The following CNTNAP5 variants were observed in gnomAD, a reference collection of about 807,000 sequenced individuals.
CNTNAP5 encodes contactin associated protein family member 5, also known as contactin-associated protein-like 5.
In CNTNAP5, 72 loss-of-function variants were observed where a neutral mutation model predicts 150.2. The ratio of observed to expected loss-of-function variants is 0.48; its 90% CI spans 0.40 to 0.58. CNTNAP5 has a LOEUF of 0.58. Ranked by LOEUF, CNTNAP5 falls within the 20% of genes least tolerant of loss-of-function variation. The probability of loss-of-function intolerance (pLI) is 0.00; values close to 1 mark genes in which losing one functional copy is unlikely to be tolerated. For synonymous variants in CNTNAP5, 672 were observed against 619.8 expected, an observed-to-expected ratio of 1.08 and a Z score of -1.25; for missense variants, 1,636 against 1,626.2, an observed-to-expected ratio of 1.01 and a Z score of -0.10.
chr2:124,402,806 A>G (rs1480974571), intron 3 of CNTNAP5, among the ~76,000 whole-genome samples: 1 of 152,202 alleles, frequency 6.6e-6, no homozygotes, highest in Non-Finnish European at 1.5e-5. Context: ...GGAGAGTTCT[A>G]TTGTTTAACT....
rs547408059 is a variant in CNTNAP5 at position 124,907,577 on chromosome 2, TTATATC to T, written c.3656-3878_3656-3873del. 2.7e-5 allele frequency among the ~76,000 whole-genome samples: 4 copies of T among 148,772 alleles called. 1 individual carries two copies. Among genetic ancestry groups the T allele is most frequent in the South Asian group, 2.1e-4 (1 of 4,772 alleles). On this transcript the variant is annotated intron_variant, in intron 22 of 23. Transcript: ENST00000682447. ...TATAGATCTTGATCTATATCTATAA[TTATATC>T]TATATCTATATTTATAGATCAAGAT...
intron 4 of CNTNAP5, among the ~76,000 whole-genome samples, chr2:124,419,017 C>G (rs1692003969): frequency 6.7e-6 from 1 of 148,896 alleles, no homozygotes. Context: ...GCCTGTAGTC[C>G]CAGCTACTCG....
chr2:124,383,981 A>T (rs1690867214), intron 3 of CNTNAP5, among the ~76,000 whole-genome samples: 1 of 152,102 alleles, frequency 6.6e-6, no homozygotes, highest in Non-Finnish European at 1.5e-5. Flanking sequence ...TTCACATTTC[A>T]TTCATCTTTA....
intron 1 of CNTNAP5, among the ~76,000 whole-genome samples, chr2:124,123,467 A>T (rs941041102): frequency 1.3e-5 from 2 of 152,128 alleles, no homozygotes; most frequent in Non-Finnish European, 2.9e-5. Flanking sequence ...TGTAGACTCC[A>T]CCTCTGGGGA....
intron 1 of CNTNAP5, among the ~76,000 whole-genome samples, chr2:124,184,693 G>T (rs1685291666): frequency 6.6e-6 from 1 of 152,172 alleles, no homozygotes; most frequent in African/African-American, 2.4e-5. Flanking sequence ...TTGTGCTAAA[G>T]TGCAGGATGT....
chr2:124,057,265 A>C (rs886938466), intron 1 of CNTNAP5, among the ~76,000 whole-genome samples: 27 of 144,892 alleles, frequency 1.9e-4, no homozygotes, highest in African/African-American at 6.9e-4. Flanking sequence ...CCCTACATCG[A>C]ATAAATTAAC....
chr2:124,893,464 C>T (rs1678241112), intron 21 of CNTNAP5, among the ~76,000 whole-genome samples: 1 of 152,140 alleles, frequency 6.6e-6, no homozygotes, highest in Non-Finnish European at 1.5e-5. Context: ...TAAAATTTGT[C>T]ATCAAAGCAG....
intron 3 of CNTNAP5, among the ~76,000 whole-genome samples, chr2:124,371,887 A>G (rs1422979986): frequency 6.6e-6 from 1 of 152,092 alleles, no homozygotes; most frequent in Non-Finnish European, 1.5e-5. Flanking sequence ...ATCAACTGCA[A>G]AGAAGATGTA....
intron 13 of CNTNAP5, among the ~76,000 whole-genome samples, chr2:124,690,723 G>C (rs1350770121): frequency 6.6e-6 from 1 of 151,846 alleles, no homozygotes; most frequent in South Asian, 2.1e-4. Flanking sequence ...CCCATGTCTG[G>C]TACATCACTT....
intron 8 of CNTNAP5, among the ~76,000 whole-genome samples, chr2:124,511,008 A>G (rs1400787398): frequency 2.6e-5 from 4 of 152,218 alleles, no homozygotes. Context: ...TCATGTGGTC[A>G]TGAGGCTCTC....
chr2:124,710,988 A>G (rs921069962), intron 13 of CNTNAP5, among the ~76,000 whole-genome samples: 6 of 152,046 alleles, frequency 3.9e-5, no homozygotes, highest in African/African-American at 1.4e-4. Context: ...TCTTTCTCCT[A>G]TAAGCTGGGC....
At chr2:124,134,852 T>C (rs1310629862) in intron 1 of CNTNAP5, among the ~76,000 whole-genome samples, 6 of 152,198 alleles carry the variant, frequency 3.9e-5, no homozygotes, top group Non-Finnish European at 7.4e-5. Flanking sequence ...AGGTTTATAC[T>C]TGAATAAACT....
At chr2:124,213,241 A>T (rs1299162407) in intron 1 of CNTNAP5, among the ~76,000 whole-genome samples, 2 of 152,174 alleles carry the variant, frequency 1.3e-5, no homozygotes, top group African/African-American at 4.8e-5. Flanking sequence ...ACATATTAAA[A>T]ATGGGGTTTT....
In CNTNAP5 at chr2:124,659,770, G is replaced by A. The variant is rs181571166; in HGVS notation, c.2077+11812G>A. Among the ~76,000 whole-genome samples the A allele has an allele frequency of 1.2e-3, 187 of 152,230 alleles. 1 individual carries two copies. The highest frequency in any genetic ancestry group is 3.9e-3 in the African/African-American group (163 of 41,540). On this transcript the variant is annotated intron_variant, in intron 13 of 23. Coordinates refer to ENST00000682447, the MANE Select transcript of CNTNAP5 (RefSeq NM_001367498.1). Reference sequence around the variant, plus strand: ...TGTACATGTGAGCAAGGTATACAGGGCTCTGAAAAGGAGAAACTACTTCTA... The same window carrying A: ...TGTACATGTGAGCAAGGTATACAGGACTCTGAAAAGGAGAAACTACTTCTA...
chr2:124,785,924 G>C (rs1206409587), intron 17 of CNTNAP5, among the ~76,000 whole-genome samples: 1 of 152,102 alleles, frequency 6.6e-6, no homozygotes, highest in Admixed American at 6.6e-5. Context: ...TATACTGAAA[G>C]CAGTCTCCAG....
intron 1 of CNTNAP5, among the ~76,000 whole-genome samples, chr2:124,073,231 C>T (rs1682357014): frequency 6.6e-6 from 1 of 151,926 alleles, no homozygotes; most frequent in Non-Finnish European, 1.5e-5. Context: ...AAAGCCTTAA[C>T]TTAAAGACCT....
intron 8 of CNTNAP5, among the ~76,000 whole-genome samples, chr2:124,509,467 A>G (rs138666208): frequency 5.1e-4 from 77 of 152,318 alleles, no homozygotes; most frequent in Non-Finnish European, 9.1e-4. Context: ...ACCAGCAGCC[A>G]TTGTAGATCT....
chr2:124,667,005 G>A (rs571045843), intron 13 of CNTNAP5, among the ~76,000 whole-genome samples: 89 of 136,844 alleles, frequency 6.5e-4, no homozygotes, highest in Admixed American at 3.1e-3. Context: ...ATAGCTTGAT[G>A]TGCTTTAAGA....
At chr2:124,583,506 C>T (rs540145475) in intron 11 of CNTNAP5, among the ~76,000 whole-genome samples, 11 of 152,116 alleles carry the variant, frequency 7.2e-5, no homozygotes, top group Non-Finnish European at 1.3e-4. Flanking sequence ...CATTGCAGTT[C>T]AATATTTTGT....
Sources: allele counts gnomAD v4.1 joint callset (sites outside exome capture counted in the v4.1 genomes callset), GRCh38; gene constraint gnomAD v4.1.1; transcripts MANE v1.5; gene names NCBI Gene and HGNC (gene_info 2026-07-23, HGNC 2026-07-21).